The following SPAG16 variants were observed in gnomAD, a reference collection of about 807,000 sequenced individuals.
The protein encoded by SPAG16 is sperm-associated antigen 16 protein.
SPAG16 carries 86 observed loss-of-function variants against 80.4 expected under a neutral mutation model. That is an observed-to-expected ratio of 1.07 (90% confidence interval 0.90 to 1.28). The LOEUF (loss-of-function observed/expected upper bound fraction) is 1.28, where lower values mean the gene tolerates loss of function less well. Among genes scored for constraint, SPAG16 ranks in the 50% most tolerant of loss-of-function variants. The pLI, the probability that SPAG16 is intolerant of heterozygous loss-of-function variation, is 0.00. For missense variants in SPAG16, 870 were observed against 765.3 expected (o/e 1.14, Z -1.61); for synonymous variants, 294 against 265.9 (o/e 1.11, Z -1.03).
chr2:213,399,958 A>C (rs184678765), intron 9 of SPAG16, among the ~76,000 whole-genome samples: 92 of 152,078 alleles, frequency 6.0e-4, no homozygotes, highest in African/African-American at 2.2e-3. Flanking sequence ...ATTATCTTTT[A>C]AATCTCAAAT....
In SPAG16 at chr2:213,476,887, A is replaced by C. The variant is rs945948384; in HGVS notation, c.943-13076A>C. Among the ~76,000 whole-genome samples the C allele has an allele frequency of 2.2e-4, 33 of 152,138 alleles. 1 individual carries two copies. The highest frequency in any genetic ancestry group is 4.4e-5 in the Non-Finnish European group (3 of 68,026). ...GAGATTTCTACATTCTTGTCCTGTG[A>C]CCAAAAGGAATAAGGTATGTGGACA... On this transcript the variant is annotated intron_variant, in intron 9 of 15. Coordinates refer to ENST00000331683, the MANE Select transcript of SPAG16 (RefSeq NM_024532.5).
At chr2:213,709,277 A>T (rs2065881619) in intron 10 of SPAG16, among the ~76,000 whole-genome samples, 1 of 152,192 alleles carries the variant, frequency 6.6e-6, no homozygotes, top group African/African-American at 2.4e-5. Context: ...ATATGGATGT[A>T]ACAGGTGCAA....
At chr2:214,118,026 A>T (rs1398904094) in intron 14 of SPAG16, among the ~76,000 whole-genome samples, 1 of 152,216 alleles carries the variant, frequency 6.6e-6, no homozygotes, top group Non-Finnish European at 1.5e-5. Context: ...AAAAAGAAAT[A>T]ACGCGCATCC....
At chr2:213,632,962 G>T (rs1006081009) in intron 10 of SPAG16, among the ~76,000 whole-genome samples, 1 of 152,076 alleles carries the variant, frequency 6.6e-6, no homozygotes, top group Non-Finnish European at 1.5e-5. Flanking sequence ...TCTGGTTTTG[G>T]CATCAGGCTA....
At chr2:213,366,157 A>C (rs934963104) in intron 8 of SPAG16, among the ~76,000 whole-genome samples, 2 of 151,272 alleles carry the variant, frequency 1.3e-5, no homozygotes, top group African/African-American at 4.8e-5. Flanking sequence ...AAAAAAAAAA[A>C]AAGAAGAAAG....
At chr2:214,124,287 C>G (rs770853550) in intron 14 of SPAG16, among the ~76,000 whole-genome samples, 30 of 150,202 alleles carry the variant, frequency 2.0e-4, no homozygotes, top group Non-Finnish European at 3.4e-4. Context: ...AATAATGTCA[C>G]TGATCAGGAT....
At chr2:214,291,346 C>T in intron 15 of SPAG16, among the ~76,000 whole-genome samples, 1 of 116,328 alleles carries the variant, frequency 8.6e-6, no homozygotes. Context: ...TGCTCTGTCG[C>T]CCAGGCTGGA....
At chr2:214,406,932 A>G (rs556793160) in intron 15 of SPAG16, among the ~76,000 whole-genome samples, 1 of 152,272 alleles carries the variant, frequency 6.6e-6, no homozygotes, top group African/African-American at 2.4e-5. Context: ...ATAATCACTC[A>G]GTGTTGATAT....
chr2:214,328,217 G>A (rs935521411), intron 15 of SPAG16, among the ~76,000 whole-genome samples: 4 of 151,286 alleles, frequency 2.6e-5, no homozygotes, highest in African/African-American at 9.8e-5. Context: ...ATGCAGTGGT[G>A]CGATCTTGGC....
Position 213,340,153 on chromosome 2 carries a change from T to C in SPAG16, c.537-10T>C. 1 of 1,581,260 alleles carries C rather than the reference T, an allele frequency of 6.3e-7. No individual in the cohort carries two copies. Among genetic ancestry groups the C allele is most frequent in the East Asian group, 2.2e-5 (1 of 44,524 alleles). On this transcript the variant is annotated splice_polypyrimidine_tract_variant and intron_variant, in intron 5 of 15. Transcript: ENST00000331683. ...AGCAGTGATTTATAAAGTTACTATT[T>C]TTTTTTCAGCAAAGCTAGAGAAGAT... is the stretch of plus-strand genomic sequence containing the variant.
intron 5 of SPAG16, chr2:213,317,777 T>G: frequency 2.1e-6 from 2 of 969,700 alleles, no homozygotes; most frequent in Non-Finnish European, 2.5e-6. Context: ...AGGAATAATA[T>G]AAACTGTGGA....
chr2:214,020,241 C>A (rs551115499), intron 13 of SPAG16, among the ~76,000 whole-genome samples: 1 of 152,250 alleles, frequency 6.6e-6, no homozygotes, highest in South Asian at 2.1e-4. Flanking sequence ...TTCCATGCCT[C>A]TATTAATCTA....
chr2:213,523,466 C>T (rs1190890354), intron 10 of SPAG16, among the ~76,000 whole-genome samples: 2 of 152,026 alleles, frequency 1.3e-5, no homozygotes, highest in East Asian at 1.9e-4. Context: ...TATAAAGATA[C>T]CCAAAAATGT....
chr2:214,406,439 G>T (rs1478143629), intron 15 of SPAG16, among the ~76,000 whole-genome samples: 1 of 152,078 alleles, frequency 6.6e-6, no homozygotes, highest in East Asian at 1.9e-4. Context: ...CACTCAATTT[G>T]TATGGATTAA....
At chr2:213,782,973 T>G (rs2070093664) in intron 10 of SPAG16, among the ~76,000 whole-genome samples, 1 of 151,990 alleles carries the variant, frequency 6.6e-6, no homozygotes, top group African/African-American at 2.4e-5. Context: ...TGTATACATG[T>G]GCCATGCTGG....
At chr2:213,710,108 G>T (rs764874448) in intron 10 of SPAG16, among the ~76,000 whole-genome samples, 2 of 151,850 alleles carry the variant, frequency 1.3e-5, no homozygotes, top group African/African-American at 4.8e-5. Flanking sequence ...GTGAAACCTC[G>T]TCTCTACTAA....
At chr2:213,926,698 A>G (rs753921027) in intron 11 of SPAG16, among the ~76,000 whole-genome samples, 1 of 151,894 alleles carries the variant, frequency 6.6e-6, no homozygotes, top group Non-Finnish European at 1.5e-5. Flanking sequence ...TTATTTCCTT[A>G]TATACTTTAC....
intron 10 of SPAG16, among the ~76,000 whole-genome samples, chr2:213,743,523 T>C (rs1396370435): frequency 6.6e-6 from 1 of 152,176 alleles, no homozygotes; most frequent in African/African-American, 2.4e-5. Context: ...TTTTTCAGCA[T>C]ACAGGAATGC....
intron 12 of SPAG16, among the ~76,000 whole-genome samples, chr2:213,932,875 C>T (rs1047784732): frequency 6.6e-6 from 1 of 151,554 alleles, no homozygotes; most frequent in Admixed American, 6.6e-5. Context: ...GAATAATTAA[C>T]AGTAGCTTTT....
Sources: allele counts gnomAD v4.1 joint callset (sites outside exome capture counted in the v4.1 genomes callset), GRCh38; gene constraint gnomAD v4.1.1; transcripts MANE v1.5; gene names NCBI Gene and HGNC (gene_info 2026-07-23, HGNC 2026-07-21).